Variants in AHCYL2 observed in about 807,000 individuals in gnomAD.
The protein encoded by AHCYL2 is S-adenosylhomocysteine hydrolase-like protein 2.
Under a neutral mutation model 81.4 loss-of-function variants are expected in AHCYL2, and 28 were observed. The observed-to-expected ratio is 0.34, with a 90% confidence interval of 0.25 to 0.47. AHCYL2 has a LOEUF of 0.47. Ranked by LOEUF, AHCYL2 falls within the 20% of genes least tolerant of loss-of-function variation. The probability of loss-of-function intolerance (pLI) is 1.00; values close to 1 mark genes in which losing one functional copy is unlikely to be tolerated. For synonymous variants in AHCYL2, 272 were observed against 290.2 expected (o/e 0.94, Z 0.64); for missense variants, 551 against 785.1 (o/e 0.70, Z 3.56).
rs770910498 is a variant in AHCYL2 at position 129,409,485 on chromosome 7, A to G, written c.1305A>G (p.Gly435=). The G allele has an allele frequency of 6.2e-7, 1 of 1,613,808 alleles. No homozygotes were observed. Among genetic ancestry groups the G allele is most frequent in the Non-Finnish European group, 8.5e-7 (1 of 1,179,856 alleles). Residue 435 remains glycine, a synonymous_variant, in exon 11 of 17, where the codon GGA becomes GGG. Coordinates refer to ENST00000325006, the MANE Select transcript of AHCYL2 (RefSeq NM_015328.4). ...PICALQACMD[G]FRLVKLNEVI... ...TGCTTTATTTCAACAGTATGGATGG[A>G]TTTCGACTGGTGAAATTAAATGAGG... is the stretch of plus-strand genomic sequence containing the variant.
chr7:129,377,476 A>G (rs543242560), intron 1 of AHCYL2: 4 of 453,746 alleles, frequency 8.8e-6, no homozygotes, highest in South Asian at 6.2e-5. Flanking sequence ...ATGTGAAGCT[A>G]TTTCAATTTG....
intron 4 of AHCYL2, among the ~76,000 whole-genome samples, 173 bp from the exon 5 acceptor site, chr7:129,397,048 TC>T (rs35160763): frequency 6.6e-6 from 1 of 152,156 alleles, no homozygotes; most frequent in Admixed American, 6.6e-5. Context: ...TCCCATGGCT[TC>T]CCCCAATACT....
chr7:129,274,449 A>G (rs1051776383), intron 1 of AHCYL2, among the ~76,000 whole-genome samples: 1 of 152,074 alleles, frequency 6.6e-6, no homozygotes, highest in Non-Finnish European at 1.5e-5. Context: ...TGCATGTGGG[A>G]GGGCCTTGTT....
intron 1 of AHCYL2, among the ~76,000 whole-genome samples, chr7:129,362,608 T>TTG (rs1793971833): frequency 1.4e-5 from 2 of 144,816 alleles, no homozygotes; most frequent in Admixed American, 1.4e-4. Flanking sequence ...TTTTTTTTTT[T>TTG]TTTTTTTTTT....
chr7:129,234,608 C>T (rs1794574452), intron 1 of AHCYL2, among the ~76,000 whole-genome samples: 2 of 152,118 alleles, frequency 1.3e-5, no homozygotes, highest in Admixed American at 1.3e-4. Context: ...ATCCTTCCTC[C>T]TTGGCCTTTG....
At chr7:129,260,017 A>G (rs1036605114) in intron 1 of AHCYL2, among the ~76,000 whole-genome samples, 4 of 151,360 alleles carry the variant, frequency 2.6e-5, no homozygotes, top group Admixed American at 1.3e-4. Flanking sequence ...CGAAGGTTGC[A>G]GTGAGCCGAG....
intron 1 of AHCYL2, among the ~76,000 whole-genome samples, chr7:129,236,020 CTT>C (rs947797821): frequency 1.0e-4 from 13 of 129,572 alleles, no homozygotes; most frequent in Admixed American, 2.4e-4. Flanking sequence ...CAAAGATAGC[CTT>C]TTTTTTTTTT....
At chr7:129,292,495 G>A (rs1322448560) in intron 1 of AHCYL2, among the ~76,000 whole-genome samples, 3 of 152,074 alleles carry the variant, frequency 2.0e-5, no homozygotes, top group South Asian at 2.1e-4. Flanking sequence ...GGCTGGGCAC[G>A]GTGGCTCACG....
At chr7:129,361,662 G>T (rs370023936) in intron 1 of AHCYL2, among the ~76,000 whole-genome samples, 1 of 152,018 alleles carries the variant, frequency 6.6e-6, no homozygotes, top group Non-Finnish European at 1.5e-5. Flanking sequence ...ACCCAGTCTT[G>T]TTCTATCTCC....
chr7:129,292,920 C>T (rs2150752889), intron 1 of AHCYL2, among the ~76,000 whole-genome samples: 1 of 152,264 alleles, frequency 6.6e-6, no homozygotes, highest in African/African-American at 2.4e-5. Context: ...AAGCATATTG[C>T]TTTGGGAATG....
intron 1 of AHCYL2, among the ~76,000 whole-genome samples, chr7:129,367,558 C>T (rs544651952): frequency 4.1e-4 from 62 of 152,308 alleles, no homozygotes; most frequent in African/African-American, 1.3e-3. Flanking sequence ...CATCCTGTTT[C>T]TTCCTGAAAC....
intron 1 of AHCYL2, among the ~76,000 whole-genome samples, chr7:129,265,642 A>C (rs1011076207): frequency 6.6e-6 from 1 of 152,314 alleles, no homozygotes; most frequent in South Asian, 2.1e-4. Context: ...GCAGGTAATG[A>C]GCCAGTGTCA....
At chr7:129,362,766 A>G (rs75954998) in intron 1 of AHCYL2, among the ~76,000 whole-genome samples, 2,075 of 152,180 alleles carry the variant, frequency 0.014, 106 homozygotes, top group Admixed American at 0.088. Flanking sequence ...GTGATTTGCC[A>G]AAGTCCAATA....
chr7:129,332,713 T>C (rs1198292432), intron 1 of AHCYL2, among the ~76,000 whole-genome samples: 1 of 152,212 alleles, frequency 6.6e-6, no homozygotes, highest in Non-Finnish European at 1.5e-5. Flanking sequence ...CATAAACAAA[T>C]AGCTCTCTTT....
rs77749061 is a variant in AHCYL2 at position 129,347,391 on chromosome 7, G to A, written c.364-32247G>A. Among the ~76,000 whole-genome samples the A allele has an allele frequency of 5.4e-3, 821 of 152,260 alleles. 2 individuals carry two copies. The highest frequency in any genetic ancestry group is 7.9e-3 in the Admixed American group (121 of 15,296). On this transcript the variant is annotated intron_variant, in intron 1 of 16. Transcript: ENST00000325006. ...GGAAACTATGTCTTTGACGGGCAGA[G>A]GGTATATGGGAACTCTCTTTCTCCT...
At chr7:129,369,752 A>G (rs914319200) in intron 1 of AHCYL2, among the ~76,000 whole-genome samples, 2 of 152,034 alleles carry the variant, frequency 1.3e-5, no homozygotes, top group Non-Finnish European at 2.9e-5. Context: ...GGGTTTCACC[A>G]TGTTGGCCAG....
In AHCYL2 at chr7:129,422,859, A is replaced by C. The variant is rs1256229537; in HGVS notation, c.1481A>C (p.Glu494Ala). 6.2e-7 allele frequency: 1 copy of C among 1,614,138 alleles called. No individual in the cohort carries two copies. Among genetic ancestry groups the C allele is most frequent in the South Asian group, 1.1e-5 (1 of 91,080 alleles). ...TTCCAGGCGAGTCTGCGGACACCAG[A>C]ACTGACCTGGGAGCGAGTGAGATCT... is the stretch of plus-strand genomic sequence containing the variant. ...EIDVASLRTP[E>A]LTWERVRSQV... is the part of the protein sequence containing the mutation. The change falls in exon 13 of 17, where the codon GAA (glutamate) becomes GCA (alanine). Residue 494 changes from glutamate (E) to alanine (A), a missense_variant. Around this residue, in one of 2 missense-constraint regions of AHCYL2, gnomAD observed 316 missense variants for 543.1 expected, o/e 0.58. Transcript: ENST00000325006.
chr7:129,257,798 A>G (rs1184131895), intron 1 of AHCYL2, among the ~76,000 whole-genome samples: 1 of 152,142 alleles, frequency 6.6e-6, no homozygotes, highest in Non-Finnish European at 1.5e-5. Flanking sequence ...CTAGATGTGC[A>G]CATGGCAGCC....
intron 1 of AHCYL2, among the ~76,000 whole-genome samples, chr7:129,282,217 G>A (rs1796470190): frequency 6.6e-6 from 1 of 151,748 alleles, no homozygotes; most frequent in Non-Finnish European, 1.5e-5. Context: ...CATTTTTCTT[G>A]TGTTTTTTGT....
Sources: allele counts gnomAD v4.1 joint callset (sites outside exome capture counted in the v4.1 genomes callset), GRCh38; gene constraint gnomAD v4.1.1; regional missense constraint gnomAD v4.1.1; transcripts MANE v1.5; gene names NCBI Gene and HGNC (gene_info 2026-07-23, HGNC 2026-07-21).